The following WWOX variants were observed in gnomAD, a reference collection of about 807,000 sequenced individuals.
The protein encoded by WWOX is WW domain containing oxidoreductase.
In WWOX, 69 loss-of-function variants were observed where a neutral mutation model predicts 46.2. The observed-to-expected ratio is 1.49, with a 90% CI of 1.23 to 1.82. WWOX has a LOEUF of 1.82. Among genes scored for constraint, WWOX ranks in the 40% most tolerant of loss-of-function variants. WWOX has a pLI of 0.00. For missense variants in WWOX, 919 were observed against 542.6 expected, an observed-to-expected ratio of 1.69 and a Z score of -6.89; for synonymous variants, 359 against 202.6, an observed-to-expected ratio of 1.77 and a Z score of -6.56.
intron 8 of WWOX, among the ~76,000 whole-genome samples, chr16:78,912,931 C>A (rs552913954): frequency 5.3e-5 from 8 of 151,974 alleles, no homozygotes; most frequent in African/African-American, 1.9e-4. Context: ...GCAAGAGAAA[C>A]CTCGAAGGGT....
rs202093359 is a variant in WWOX, at chr16:79,211,576, A to ATT, written c.1057-24_1057-23dup. 5.6e-6 allele frequency: 9 copies of ATT among 1,607,850 alleles called. No homozygotes were observed. The African/African-American group carries it at 9.4e-5, about 17-fold the overall frequency. On this transcript the variant is annotated intron_variant, in intron 8 of 8. Transcript: ENST00000566780. ...CCATCTCATCACTCCTTTTCTTAAA[A>ATT]TTTTTTTTTGTCTTTCTTCTTGGAT...
chr16:78,213,398 C>T (rs1247182046), intron 5 of WWOX, among the ~76,000 whole-genome samples: 1 of 151,698 alleles, frequency 6.6e-6, no homozygotes, highest in Non-Finnish European at 1.5e-5. Context: ...TCTTGCTTCT[C>T]CCCACAATCC....
At chr16:78,144,470 T>TATATATATATATATATATATATATACAC (rs2034113314) in intron 4 of WWOX, among the ~76,000 whole-genome samples, 2 of 26,612 alleles carry the variant, frequency 7.5e-5, no homozygotes, top group Non-Finnish European at 1.3e-4. Flanking sequence ...TATACACACA[T>TATATATATATATATATATATATATACAC]ATATATATAT....
chr16:79,142,457 C>A, intron 8 of WWOX, among the ~76,000 whole-genome samples: 1 of 152,118 alleles, frequency 6.6e-6, no homozygotes, highest in Non-Finnish European at 1.5e-5. Flanking sequence ...TTGGCACATG[C>A]TACACATCAG....
intron 8 of WWOX, among the ~76,000 whole-genome samples, chr16:78,579,637 T>C (rs536983137): frequency 1.6e-4 from 24 of 152,220 alleles, no homozygotes; most frequent in African/African-American, 5.3e-4. Flanking sequence ...AGTGGGAAAG[T>C]TGAGGAAATG....
At chr16:78,402,122 T>C (rs1395465208) in intron 6 of WWOX, among the ~76,000 whole-genome samples, 1 of 152,202 alleles carries the variant, frequency 6.6e-6, no homozygotes, top group Non-Finnish European at 1.5e-5. Flanking sequence ...TCATAACAAT[T>C]AGCAGTTATT....
At chr16:78,229,152 A>G (rs746927113) in intron 5 of WWOX, among the ~76,000 whole-genome samples, 2 of 152,040 alleles carry the variant, frequency 1.3e-5, no homozygotes, top group Non-Finnish European at 2.9e-5. Flanking sequence ...GTTGAATTTA[A>G]TATACTAGTG....
At chr16:78,134,301 G>A (rs2033713093) in intron 4 of WWOX, among the ~76,000 whole-genome samples, 1 of 152,006 alleles carries the variant, frequency 6.6e-6, no homozygotes, top group Admixed American at 6.6e-5. Context: ...ATTTTTAATG[G>A]TGGGCATTGC....
At chr16:79,086,974 T>G (rs2048865108) in intron 8 of WWOX, among the ~76,000 whole-genome samples, 1 of 152,140 alleles carries the variant, frequency 6.6e-6, no homozygotes, top group African/African-American at 2.4e-5. Context: ...AAGCCCCGTG[T>G]CTGAATGGGA....
chr16:78,753,793 C>G lies in WWOX; in HGVS notation c.1056+321041C>G, dbSNP rs554773402. On this transcript the variant is annotated intron_variant, in intron 8 of 8. Coordinates refer to ENST00000566780, the MANE Select transcript of WWOX (RefSeq NM_016373.4). Reference sequence around the variant, plus strand: ...GTCAAGCCTGGGTGACAGGGCAAGACCCTATATCAAAAAAAAAAAAAAAAA... The same window carrying G: ...GTCAAGCCTGGGTGACAGGGCAAGAGCCTATATCAAAAAAAAAAAAAAAAA... Among the ~76,000 whole-genome samples, 95 of 88,488 alleles carry G rather than the reference C, an allele frequency of 1.1e-3. 1 individual carries two copies. The highest frequency in any genetic ancestry group is 9.3e-3 in the East Asian group (29 of 3,118). 58.1% of individuals were successfully genotyped at this position (88,488 alleles called of 152,430 possible).
intron 8 of WWOX, among the ~76,000 whole-genome samples, chr16:79,183,216 G>C (rs1445813971): frequency 6.6e-6 from 1 of 152,200 alleles, no homozygotes; most frequent in Non-Finnish European, 1.5e-5. Flanking sequence ...GTCTGTGGCT[G>C]ACCAGCTAGA....
intron 8 of WWOX, among the ~76,000 whole-genome samples, chr16:79,023,195 A>G (rs983798024): frequency 4.6e-5 from 7 of 152,218 alleles, no homozygotes; most frequent in African/African-American, 1.7e-4. Flanking sequence ...CTTGAAAGCA[A>G]TTGGATGGGA....
intron 8 of WWOX, among the ~76,000 whole-genome samples, chr16:78,698,012 G>C (rs2048136902): frequency 6.6e-6 from 1 of 152,242 alleles, no homozygotes; most frequent in Non-Finnish European, 1.5e-5. Context: ...AGTAGGTCAA[G>C]ATATACTATG....
At chr16:78,464,772 C>G (rs1259274266) in intron 8 of WWOX, among the ~76,000 whole-genome samples, 1 of 152,126 alleles carries the variant, frequency 6.6e-6, no homozygotes, top group Non-Finnish European at 1.5e-5. Flanking sequence ...GGAGAAATGG[C>G]CACTGCAACT....
Position 78,593,450 on chromosome 16 carries a change from C to G in WWOX, c.1056+160698C>G, listed in dbSNP as rs1364818464. Among the ~76,000 whole-genome samples, 6 of 152,328 alleles carry G rather than the reference C, an allele frequency of 3.9e-5. No homozygotes were observed. The South Asian group carries it at 8.3e-4, about 21-fold the overall frequency. On this transcript the variant is annotated intron_variant, in intron 8 of 8. Coordinates refer to ENST00000566780, the MANE Select transcript of WWOX (RefSeq NM_016373.4). ...TTTGCCATGCACCTGTCTTCCTCTT[C>G]AGGATTGATCACAAAATCAAAACCA...
intron 8 of WWOX, among the ~76,000 whole-genome samples, chr16:78,886,125 A>G (rs140824722): frequency 2.6e-4 from 40 of 151,784 alleles, no homozygotes; most frequent in African/African-American, 8.9e-4. Context: ...GGGTGTCACC[A>G]TGTTGGCCAG....
chr16:78,615,842 C>A (rs1044020052), intron 8 of WWOX, among the ~76,000 whole-genome samples: 8 of 151,814 alleles, frequency 5.3e-5, no homozygotes, highest in Non-Finnish European at 8.8e-5. Flanking sequence ...GCTCCGCCTC[C>A]CGAGTTCACG....
At chr16:79,053,830 C>G (rs951720941) in intron 8 of WWOX, among the ~76,000 whole-genome samples, 1 of 152,110 alleles carries the variant, frequency 6.6e-6, no homozygotes, top group African/African-American at 2.4e-5. Flanking sequence ...AAATTTGCAG[C>G]TTCTATTTAG....
intron 8 of WWOX, among the ~76,000 whole-genome samples, chr16:78,925,293 G>C (rs1412207479): frequency 6.6e-6 from 1 of 152,186 alleles, no homozygotes; most frequent in Non-Finnish European, 1.5e-5. Context: ...AGCATACTGG[G>C]ATTGAGGAAA....
Sources: gnomAD v4.1 joint callset for allele counts (sites outside exome capture counted in the v4.1 genomes callset) on GRCh38, gnomAD v4.1.1 for gene constraint, MANE v1.5 for transcripts, NCBI Gene and HGNC (gene_info 2026-07-23, HGNC 2026-07-21) for gene names.